SLC7A9: variants seen among roughly 807,000 people sequenced by gnomAD.
SLC7A9 encodes solute carrier family 7 member 9.
SLC7A9 carries 38 observed loss-of-function variants against 54.1 expected under a neutral mutation model. That is an observed-to-expected ratio of 0.70 (90% confidence interval 0.54 to 0.92). The LOEUF (loss-of-function observed/expected upper bound fraction) is 0.92, where lower values mean the gene tolerates loss of function less well. Among genes scored for constraint, SLC7A9 ranks in the 40% least tolerant of loss-of-function variants. The probability of loss-of-function intolerance (pLI) is 0.00; values close to 1 mark genes in which losing one functional copy is unlikely to be tolerated. For synonymous variants in SLC7A9, 264 were observed against 258.9 expected (o/e 1.02, Z -0.19); for missense variants, 537 against 636.1 (o/e 0.84, Z 1.68).
chr19:32,848,957 G>A (rs1257066149), intron 9 of SLC7A9, among the ~76,000 whole-genome samples: 1 of 149,418 alleles, frequency 6.7e-6, no homozygotes, highest in East Asian at 2.0e-4. Context: ...CTAAATGAAG[G>A]CAGAAATAAA....
At chr19:32,844,880 A>AG (rs1258692390) in intron 9 of SLC7A9, among the ~76,000 whole-genome samples, 2 of 148,552 alleles carry the variant, frequency 1.3e-5, no homozygotes, top group Non-Finnish European at 3.0e-5. Flanking sequence ...AAAAAAAAAA[A>AG]AAAGCCAGAT....
rs144965050 is a variant in SLC7A9, at chr19:32,866,873, G to A, written c.87+1575C>T. On this transcript the variant is annotated intron_variant, in intron 2 of 12. Coordinates refer to ENST00000023064, the MANE Select transcript of SLC7A9 (RefSeq NM_014270.5). ...CTGCCCACACCTCTGCCCTGGAAGC[G>A]GAAGCCATCCTGAGCTCACCTGGAG... Among the ~76,000 whole-genome samples the A allele has an allele frequency of 3.0e-3, 450 of 152,292 alleles. 3 individuals carry two copies. The highest frequency in any genetic ancestry group is 0.01 in the African/African-American group (421 of 41,568).
rs995785536 is a variant in SLC7A9 at position 32,864,096 on chromosome 19, A to G, written c.478T>C (p.Leu160=). 1 of 1,614,132 alleles carries G rather than the reference A, an allele frequency of 6.2e-7. No homozygotes were observed. The highest frequency in any genetic ancestry group is 8.5e-7 in the Non-Finnish European group (1 of 1,180,020). Residue 160 remains leucine (L), a splice_region_variant and synonymous_variant, in exon 4 of 13, where the codon TTG becomes CTG. Coordinates refer to ENST00000023064, the MANE Select transcript of SLC7A9 (RefSeq NM_014270.5). ...CCCTGCCCTGGGCTCAGGTACTCAC[A>G]GATGGCGGCGGCGGCCAGGCATTTC... ...VVKCLAAAAI[L]FISTVNSLSV... is the part of the protein sequence containing the mutation.
chr19:32,860,356 A>G, intron 7 of SLC7A9: 1 of 1,362,946 alleles, frequency 7.3e-7, no homozygotes, highest in Non-Finnish European at 9.6e-7. Flanking sequence ...TGGGAGTTCA[A>G]GACCAGCCTG....
At chr19:32,842,017 C>G in intron 11 of SLC7A9, 151 bp downstream of exon 11, 1 of 766,588 alleles carries the variant, frequency 1.3e-6, no homozygotes, top group Admixed American at 2.1e-5. Context: ...ATAAACTATG[C>G]TGTGAAGAGT....
In SLC7A9 at chr19:32,830,521, C is replaced by T. The variant is rs1967746099; in HGVS notation, c.*99G>A. ...CTAAAAATAACAATATTTTAAACAT[C>T]TGAGTATATTTTATTCGTAAGAAAA... is the stretch of plus-strand genomic sequence containing the variant. On this transcript the variant is annotated 3_prime_UTR_variant, in exon 13 of 13. Coordinates refer to ENST00000023064, the MANE Select transcript of SLC7A9 (RefSeq NM_014270.5). 3 of 904,764 alleles carry T rather than the reference C, an allele frequency of 3.3e-6. No individual in the cohort carries two copies. Among genetic ancestry groups the T allele is most frequent in the Non-Finnish European group, 5.6e-6 (3 of 540,200 alleles). The allele number at this position is 904,764 out of a possible 1,614,324, so 56.0% of individuals were successfully genotyped here.
chr19:32,831,628 AT>A (rs1967798475), intron 12 of SLC7A9, among the ~76,000 whole-genome samples: 1 of 152,080 alleles, frequency 6.6e-6, no homozygotes, highest in East Asian at 1.9e-4. Flanking sequence ...GTCTCTTTTG[AT>A]GTACTTTGAC....
At chr19:32,830,766 C>T in intron 12 of SLC7A9, 82 bp from the exon 13 acceptor site, 1 of 1,124,508 alleles carries the variant, frequency 8.9e-7, no homozygotes, top group Non-Finnish European at 1.4e-6. Context: ...GTGAGGGTGA[C>T]ATTGTTTTCA....
At chr19:32,844,065 G>A in intron 9 of SLC7A9, 114 bp from the exon 10 acceptor site, 1 of 771,750 alleles carries the variant, frequency 1.3e-6, no homozygotes, top group Non-Finnish European at 2.3e-6. Flanking sequence ...CTCAGGAAGG[G>A]AGCTGAGCAG....
In SLC7A9 at chr19:32,868,611, G is replaced by A. The variant is rs1004624747; in HGVS notation, c.-77C>T. 8.2e-6 allele frequency: 10 copies of A among 1,217,578 alleles called. No individual in the cohort carries two copies. Among genetic ancestry groups the A allele is most frequent in the Admixed American group, 5.1e-5 (3 of 59,310 alleles). 75.4% of individuals were successfully genotyped at this position (1,217,578 alleles called of 1,614,324 possible). A position where few individuals can be genotyped will look rare whatever the true frequency, so the allele number is the denominator to read the frequency against. ...TTGGTTCAGCAGCAGCAGACAAGAC[G>A]CAAGTGCAAGCTCGGCCTGGACTAG... On this transcript the variant is annotated 5_prime_UTR_variant, in exon 2 of 13. Coordinates refer to ENST00000023064, the MANE Select transcript of SLC7A9 (RefSeq NM_014270.5).
At chr19:32,845,781 G>A (rs1490175571) in intron 9 of SLC7A9, among the ~76,000 whole-genome samples, 1 of 152,214 alleles carries the variant, frequency 6.6e-6, no homozygotes, top group Non-Finnish European at 1.5e-5. Context: ...GCCGAGGCGG[G>A]TGGATCACTT....
chr19:32,868,440 C>T lies in SLC7A9; in HGVS notation c.87+8G>A, dbSNP rs781313899. 1.3e-5 allele frequency: 21 copies of T among 1,612,748 alleles called. No homozygotes were observed. Among genetic ancestry groups the T allele is most frequent in the African/African-American group, 5.3e-5 (4 of 74,892 alleles). On this transcript the variant is annotated splice_region_variant and intron_variant, in intron 2 of 12. Transcript: ENST00000023064. ...GCAAAGGGCCTGCCCCACCAGAGAC[C>T]GCCTTACCTCCTTTTGGAGACTGGT...
chr19:32,845,196 T>C (rs184240107), intron 9 of SLC7A9, among the ~76,000 whole-genome samples: 1 of 151,332 alleles, frequency 6.6e-6, no homozygotes, highest in South Asian at 2.1e-4. Flanking sequence ...GGAGAAGATA[T>C]AAAAAACAGG....
chr19:32,836,647 C>G (rs1272269470), intron 11 of SLC7A9, among the ~76,000 whole-genome samples: 1 of 152,058 alleles, frequency 6.6e-6, no homozygotes, highest in African/African-American at 2.4e-5. Flanking sequence ...TATTTTAGAT[C>G]CCCAGTCACT....
Position 32,845,215 on chromosome 19 carries a change from C to T in SLC7A9, c.978-1264G>A, listed in dbSNP as rs368049407. ...AAGATATAAAAAACAGGAGCCTGAG[C>T]TGGGCATGGTGGCTGTCGCCTATAC... On this transcript the variant is annotated intron_variant, in intron 9 of 12. Transcript: ENST00000023064. 2.0e-5 allele frequency among the ~76,000 whole-genome samples: 3 copies of T among 152,088 alleles called. No individual in the cohort carries two copies. In the East Asian group the frequency reaches 5.8e-4, roughly 29 times the overall value.
At chr19:32,842,353 T>G in intron 10 of SLC7A9, 36 bp from the exon 11 acceptor site, 1 of 1,587,934 alleles carries the variant, frequency 6.3e-7, no homozygotes, top group South Asian at 1.1e-5. Flanking sequence ...AGGTCATTAC[T>G]ACAAAACACT....
At chr19:32,863,300 G>A (rs1316490760) in intron 4 of SLC7A9, among the ~76,000 whole-genome samples, 3 of 114,958 alleles carry the variant, frequency 2.6e-5, no homozygotes, top group African/African-American at 1.1e-4. Context: ...GCTAATTTTT[G>A]TATTTTAGTA....
At chr19:32,844,204 G>A (rs1968214467) in intron 9 of SLC7A9, among the ~76,000 whole-genome samples, 1 of 152,100 alleles carries the variant, frequency 6.6e-6, no homozygotes, top group Non-Finnish European at 1.5e-5. Context: ...ACCTTGGGAG[G>A]CCAAGGCAGA....
At chr19:32,858,152 C>T (rs1310277445) in intron 9 of SLC7A9, among the ~76,000 whole-genome samples, 1 of 152,194 alleles carries the variant, frequency 6.6e-6, no homozygotes, top group Non-Finnish European at 1.5e-5. Context: ...TTCGCCTCAG[C>T]ATGGGCAGCT....
Sources: allele counts gnomAD v4.1 joint callset (sites outside exome capture counted in the v4.1 genomes callset), GRCh38; gene constraint gnomAD v4.1.1; transcripts MANE v1.5; gene names NCBI Gene and HGNC (gene_info 2026-07-23, HGNC 2026-07-21).